The following PTPRD variants were observed in gnomAD, a reference collection of about 807,000 sequenced individuals.
The protein encoded by PTPRD is protein tyrosine phosphatase receptor type D.
In PTPRD, 34 loss-of-function variants were observed where a neutral mutation model predicts 214.5. The ratio of observed to expected loss-of-function variants is 0.16; its 90% CI spans 0.12 to 0.21. The LOEUF is 0.21. PTPRD is among the 10% of genes least tolerant of loss of function. The pLI, the probability that PTPRD is intolerant of heterozygous loss-of-function variation, is 1.00. For missense variants in PTPRD, 2,545 were observed against 2,398.7 expected (o/e 1.06, Z -1.27); for synonymous variants, 1,128 against 845.7 (o/e 1.33, Z -5.79).
At chr9:8,621,673 TAAC>T (rs1490919320) in intron 14 of PTPRD, among the ~76,000 whole-genome samples, 128 of 151,980 alleles carry the variant, frequency 8.4e-4, no homozygotes, top group Non-Finnish European at 1.6e-3. Context: ...TTAACTTTAT[TAAC>T]GCATCTTTGC....
chr9:10,360,123 G>A (rs561278782), intron 2 of PTPRD, among the ~76,000 whole-genome samples: 244 of 152,268 alleles, frequency 1.6e-3, no homozygotes, highest in Middle Eastern at 3.4e-3. Flanking sequence ...ACTGAAAAAC[G>A]CAGATACTGA....
intron 7 of PTPRD, among the ~76,000 whole-genome samples, chr9:9,733,130 C>G (rs1462607860): frequency 6.6e-6 from 1 of 152,160 alleles, no homozygotes; most frequent in Non-Finnish European, 1.5e-5. Context: ...AGAAGCTTGC[C>G]TTCACTGTGG....
chr9:10,037,068 T>C (rs553259413), intron 3 of PTPRD, among the ~76,000 whole-genome samples: 2 of 151,776 alleles, frequency 1.3e-5, no homozygotes, highest in Non-Finnish European at 2.9e-5. Flanking sequence ...TAATGTTTTG[T>C]TTTGAAGAGA....
chr9:8,414,843 CG>C (rs1345732846), intron 35 of PTPRD, among the ~76,000 whole-genome samples: 14 of 130,108 alleles, frequency 1.1e-4, no homozygotes, highest in African/African-American at 3.6e-4. Context: ...TGTACATGTA[CG>C]GGGAGGGAAG....
intron 11 of PTPRD, among the ~76,000 whole-genome samples, chr9:8,827,466 G>T (rs1284003999): frequency 1.3e-5 from 2 of 151,988 alleles, no homozygotes; most frequent in Non-Finnish European, 2.9e-5. Flanking sequence ...AATTAGCCAG[G>T]TATGGTGGCG....
chr9:10,031,647 T>TATATATATATATATATACACAC lies in PTPRD; in HGVS notation c.-472+2070_-472+2071insGTGTGTATATATATATATATAT. On this transcript the variant is annotated intron_variant, in intron 4 of 45. Transcript: ENST00000381196. ...CTCCATATATATATATATATATATA[T>TATATATATATATATATACACAC]ACACACACACACACACACATACACA... Among the ~76,000 whole-genome samples the TATATATATATATATATACACAC allele has an allele frequency of 1.8e-4, 16 of 89,650 alleles. 1 individual carries two copies. The highest frequency in any genetic ancestry group is 1.2e-3 in the African/African-American group (15 of 12,370). The allele number at this position is 89,650 out of a possible 152,430, so 58.8% of individuals were successfully genotyped here.
chr9:10,412,395 T>C (rs1017380366), intron 2 of PTPRD, among the ~76,000 whole-genome samples: 3 of 151,574 alleles, frequency 2.0e-5, no homozygotes, highest in Admixed American at 6.6e-5. Context: ...AGACCAATAA[T>C]TAGCTTCAAA....
rs573224158 is a variant in PTPRD at position 8,358,494 on chromosome 9, C to T, written c.4662-16516G>A. Among the ~76,000 whole-genome samples the T allele has an allele frequency of 2.6e-5, 4 of 152,314 alleles. No individual in the cohort carries two copies. In the South Asian group the frequency reaches 8.3e-4, roughly 32 times the overall value. ...ATACTAACTCTGGCTCTTCCACCTG[C>T]AGCTTGTATCTTAAATACATCATTT... On this transcript the variant is annotated intron_variant, in intron 39 of 45. Transcript: ENST00000381196.
chr9:8,825,738 T>G (rs2097162379), intron 11 of PTPRD, among the ~76,000 whole-genome samples: 1 of 152,216 alleles, frequency 6.6e-6, no homozygotes, highest in African/African-American at 2.4e-5. Context: ...TTGTTATGGT[T>G]ATTTCTTGAA....
intron 8 of PTPRD, among the ~76,000 whole-genome samples, chr9:9,399,000 T>A (rs2069061303): frequency 1.3e-5 from 2 of 152,060 alleles, no homozygotes; most frequent in Admixed American, 1.3e-4. Flanking sequence ...TGTCTCATAC[T>A]TCACTATTCT....
chr9:8,911,358 C>T (rs1303690174), intron 11 of PTPRD, among the ~76,000 whole-genome samples: 2 of 151,338 alleles, frequency 1.3e-5, no homozygotes, highest in African/African-American at 2.4e-5. Context: ...ATGGTCCTTT[C>T]AATAAATGGG....
chr9:9,949,717 T>C (rs72692756), intron 4 of PTPRD, among the ~76,000 whole-genome samples: 1,936 of 152,220 alleles, frequency 0.013, 22 homozygotes, highest in Non-Finnish European at 0.022. Flanking sequence ...ACAAAAAAAA[T>C]GCTTTCTCAT....
chr9:10,384,839 TGATTTTTAAC>T (rs2097886958), intron 2 of PTPRD, among the ~76,000 whole-genome samples: 1 of 151,750 alleles, frequency 6.6e-6, no homozygotes, highest in Non-Finnish European at 1.5e-5. Flanking sequence ...AAGGATAATA[TGATTTTTAAC>T]GATGTATAAA....
chr9:8,526,941 T>C (rs2074311096), intron 16 of PTPRD, among the ~76,000 whole-genome samples: 1 of 150,658 alleles, frequency 6.6e-6, no homozygotes, highest in African/African-American at 2.4e-5. Flanking sequence ...AATTATATCT[T>C]ATATGCCTCA....
intron 2 of PTPRD, among the ~76,000 whole-genome samples, chr9:10,591,096 G>A (rs2075328737): frequency 6.6e-6 from 1 of 151,660 alleles, no homozygotes; most frequent in South Asian, 2.1e-4. Flanking sequence ...TGGCCCCAAA[G>A]ATCCCAGCCT....
chr9:10,512,051 C>T lies in PTPRD; in HGVS notation c.-600+100347G>A, dbSNP rs905123040. 3.1e-4 allele frequency among the ~76,000 whole-genome samples: 35 copies of T among 111,388 alleles called. 1 individual carries two copies. The Middle Eastern group carries it at 0.017, about 53-fold the overall frequency. 73.1% of individuals were successfully genotyped at this position (111,388 alleles called of 152,430 possible). On this transcript the variant is annotated intron_variant, in intron 2 of 45. Transcript: ENST00000381196. Reference sequence around the variant, plus strand: ...ATATGTATATATATATATACACACACGTATATATATATGAAGTAAAAACTA... The same window carrying T: ...ATATGTATATATATATATACACACATGTATATATATATGAAGTAAAAACTA...
chr9:8,581,583 C>T lies in PTPRD; in HGVS notation c.352+51734G>A, dbSNP rs577251042. Among the ~76,000 whole-genome samples the T allele has an allele frequency of 7.9e-5, 12 of 151,742 alleles. No individual in the cohort carries two copies. In the East Asian group the frequency reaches 2.0e-3, roughly 25 times the overall value. On this transcript the variant is annotated intron_variant, in intron 14 of 45. Transcript: ENST00000381196. ...CTAACACAGTGAAACCCCATCTCTA[C>T]TAAAAATACAAAAAATTAGCTGGGC...
rs189967563 is a variant in PTPRD, at chr9:8,587,867, A to T, written c.352+45450T>A. Among the ~76,000 whole-genome samples the T allele has an allele frequency of 1.3e-4, 20 of 152,334 alleles. No homozygotes were observed. In the East Asian group the frequency reaches 3.7e-3, roughly 28 times the overall value. ...ATTTTCTGAATGTCTGTTTCCACTG[A>T]CCAGATGAAAATCGTAAATCCTCAA... On this transcript the variant is annotated intron_variant, in intron 14 of 45. Transcript: ENST00000381196.
At chr9:8,944,694 A>C (rs1447730403) in intron 11 of PTPRD, among the ~76,000 whole-genome samples, 2 of 152,114 alleles carry the variant, frequency 1.3e-5, no homozygotes, top group Non-Finnish European at 2.9e-5. Flanking sequence ...TGAGAGGTAA[A>C]AGTTAAAACA....
Sources: allele counts gnomAD v4.1 joint callset (sites outside exome capture counted in the v4.1 genomes callset), GRCh38; gene constraint gnomAD v4.1.1; transcripts MANE v1.5; gene names NCBI Gene and HGNC (gene_info 2026-07-23, HGNC 2026-07-21).